KMT2C: variants seen among roughly 807,000 people sequenced by gnomAD.
KMT2C encodes the protein histone-lysine N-methyltransferase 2C.
Under a neutral mutation model 507.9 loss-of-function variants are expected in KMT2C, and 88 were observed. The observed-to-expected ratio is 0.17, with a 90% CI of 0.15 to 0.21. KMT2C has a LOEUF of 0.21. KMT2C is among the 10% of genes least tolerant of loss of function. The probability of loss-of-function intolerance (pLI) is 1.00; values close to 1 mark genes in which losing one functional copy is unlikely to be tolerated. For missense variants in KMT2C, 4,954 were observed against 5,957.8 expected (o/e 0.83, Z 5.55); for synonymous variants, 2,049 against 2,080.8 (o/e 0.98, Z 0.42).
intron 4 of KMT2C, chr7:152,312,236 A>G (rs752121492): frequency 4.3e-5 from 9 of 208,974 alleles, no homozygotes; most frequent in Non-Finnish European, 7.6e-5. Context: ...TTTTAAAACC[A>G]ACTCTCATAT....
intron 40 of KMT2C, 61 bp from the exon 41 acceptor site, chr7:152,169,310 AC>A (rs199570352): frequency 1.1e-6 from 1 of 875,596 alleles, no homozygotes; most frequent in South Asian, 1.5e-5. Context: ...GGGGGAAAAA[AC>A]TTTAAAAGAA....
chr7:152,349,080 T>TAA (rs1312559419), intron 2 of KMT2C, among the ~76,000 whole-genome samples: 1 of 152,116 alleles, frequency 6.6e-6, no homozygotes, highest in Non-Finnish European at 1.5e-5. Flanking sequence ...GGCAAATGGA[T>TAA]AAACTCTGGT....
chr7:152,171,599 C>T (rs1022072355), intron 39 of KMT2C, among the ~76,000 whole-genome samples: 1 of 152,210 alleles, frequency 6.6e-6, no homozygotes, highest in Non-Finnish European at 1.5e-5. Flanking sequence ...CCGTAACCTT[C>T]CCCACAAGGA....
At chr7:152,220,290 G>A (rs1482660398) in intron 23 of KMT2C, 13 of 517,688 alleles carry the variant, frequency 2.5e-5, no homozygotes, top group Non-Finnish European at 4.1e-5. Context: ...AAGATATGGT[G>A]CTCCTTGAGA....
At chr7:152,387,468 C>CT (rs2097440225) in intron 1 of KMT2C, among the ~76,000 whole-genome samples, 18 of 123,786 alleles carry the variant, frequency 1.5e-4, no homozygotes, top group East Asian at 2.7e-4. Flanking sequence ...AGTATAATTC[C>CT]ATTTTTTTTT....
At chr7:152,164,479 C>A (rs998793350) in intron 42 of KMT2C, among the ~76,000 whole-genome samples, 1 of 151,756 alleles carries the variant, frequency 6.6e-6, no homozygotes, top group Non-Finnish European at 1.5e-5. Context: ...TTAGTAGAGA[C>A]GGGGTTTCAC....
chr7:152,215,150 A>C (rs2094541234), intron 23 of KMT2C, among the ~76,000 whole-genome samples: 1 of 152,148 alleles, frequency 6.6e-6, no homozygotes. Flanking sequence ...CAAGGAATTC[A>C]CCTTTGCAGG....
intron 3 of KMT2C, among the ~76,000 whole-genome samples, chr7:152,329,754 A>C (rs1380108474): frequency 1.3e-5 from 2 of 151,594 alleles, no homozygotes; most frequent in Non-Finnish European, 2.9e-5. Flanking sequence ...GGAAGGAAGG[A>C]GATGGGAGTA....
At chr7:152,264,592 T>G (rs2095832625) in intron 8 of KMT2C, among the ~76,000 whole-genome samples, 1 of 152,134 alleles carries the variant, frequency 6.6e-6, no homozygotes, top group Admixed American at 6.5e-5. Flanking sequence ...CATGACTGAT[T>G]TTTTGGCTCA....
At chr7:152,172,996 T>C (rs913440010) in intron 39 of KMT2C, among the ~76,000 whole-genome samples, 1 of 152,172 alleles carries the variant, frequency 6.6e-6, no homozygotes, top group Non-Finnish European at 1.5e-5. Context: ...ATTTTCTGCA[T>C]ATAAAACATT....
intron 1 of KMT2C, chr7:152,368,728 G>A: frequency 8.8e-7 from 1 of 1,140,034 alleles, no homozygotes; most frequent in South Asian, 1.3e-5. Context: ...GTGTTTGTTG[G>A]ATCCGTTTGA....
intron 31 of KMT2C, among the ~76,000 whole-genome samples, chr7:152,191,254 T>A (rs6975587): frequency 0.029 from 4,400 of 152,272 alleles, 213 homozygotes; most frequent in African/African-American, 0.1. Context: ...ATGTCCCATT[T>A]CTACCAACCT....
intron 31 of KMT2C, among the ~76,000 whole-genome samples, chr7:152,189,546 A>G (rs993249876): frequency 1.5e-4 from 23 of 152,220 alleles, no homozygotes; most frequent in African/African-American, 5.1e-4. Context: ...ACATTTTACA[A>G]TGTATAATGA....
chr7:152,268,270 C>A (rs2095893582), intron 7 of KMT2C, among the ~76,000 whole-genome samples: 1 of 151,274 alleles, frequency 6.6e-6, no homozygotes, highest in African/African-American at 2.4e-5. Context: ...CAGAGTGAGA[C>A]CCTGTCTCAA....
intron 2 of KMT2C, among the ~76,000 whole-genome samples, chr7:152,333,341 A>G (rs1486819419): frequency 2.6e-5 from 4 of 152,112 alleles, no homozygotes; most frequent in Non-Finnish European, 5.9e-5. Flanking sequence ...TGCCCAGGCT[A>G]GTCTCAAACT....
At chr7:152,420,596 G>A (rs939978778) in intron 1 of KMT2C, among the ~76,000 whole-genome samples, 2 of 152,118 alleles carry the variant, frequency 1.3e-5, no homozygotes, top group African/African-American at 4.8e-5. Flanking sequence ...CAGAACTTTG[G>A]GAGGCCGAGG....
intron 39 of KMT2C, among the ~76,000 whole-genome samples, 164 bp from the exon 40 acceptor site, chr7:152,171,506 G>T (rs1216554593): frequency 1.3e-5 from 2 of 152,230 alleles, no homozygotes; most frequent in African/African-American, 4.8e-5. Flanking sequence ...GTACTGGGCA[G>T]ATGTGATCCT....
chr7:152,342,779 T>C (rs1310680835), intron 2 of KMT2C, among the ~76,000 whole-genome samples: 2 of 152,214 alleles, frequency 1.3e-5, no homozygotes, highest in East Asian at 3.9e-4. Context: ...AAAAATATCT[T>C]CTTGCTTTCA....
In KMT2C at chr7:152,224,925, CAAGT is replaced by C. The variant is rs199854078; in HGVS notation, c.2977-313_2977-310del. 8.6e-3 allele frequency among the ~76,000 whole-genome samples: 1,308 copies of C among 152,230 alleles called. 21 individuals carry two copies. Among genetic ancestry groups the C allele is most frequent in the African/African-American group, 0.03 (1,261 of 41,530 alleles). ...TATAGTGACCAGATTTTAAAGAAAT[CAAGT>C]AAGCTTCCCTATTATTGATACATAA... On this transcript the variant is annotated intron_variant, in intron 18 of 58. Transcript: ENST00000262189.
Sources: allele counts gnomAD v4.1 joint callset (sites outside exome capture counted in the v4.1 genomes callset), GRCh38; gene constraint gnomAD v4.1.1; transcripts MANE v1.5; gene names NCBI Gene and HGNC (gene_info 2026-07-23, HGNC 2026-07-21).